RSRC1: variants seen among roughly 807,000 people sequenced by gnomAD.
The protein encoded by RSRC1 is arginine and serine rich coiled-coil 1.
RSRC1 carries 39 observed loss-of-function variants against 49.1 expected under a neutral mutation model. The observed-to-expected ratio is 0.79, with a 90% CI of 0.61 to 1.04. The LOEUF is 1.04. Ranked by LOEUF, RSRC1 falls within the 50% of genes least tolerant of loss-of-function variation. The pLI, the probability that RSRC1 is intolerant of heterozygous loss-of-function variation, is 0.00. For missense variants in RSRC1, 388 were observed against 402.4 expected (o/e 0.96, Z 0.31); for synonymous variants, 143 against 130.8 (o/e 1.09, Z -0.63).
chr3:158,436,474 G>T (rs1387341468), intron 6 of RSRC1, among the ~76,000 whole-genome samples: 1 of 151,874 alleles, frequency 6.6e-6, no homozygotes, highest in African/African-American at 2.4e-5. Context: ...CTGCTTAAAA[G>T]TACATGTGCC....
intron 3 of RSRC1, among the ~76,000 whole-genome samples, chr3:158,165,675 T>TTAGCAA: frequency 6.6e-6 from 1 of 152,338 alleles, no homozygotes; most frequent in African/African-American, 2.4e-5. Flanking sequence ...TCATTAGCAA[T>TTAGCAA]TAGTAAAATA....
chr3:158,131,142 TTATATA>T (rs967113332), intron 3 of RSRC1, among the ~76,000 whole-genome samples: 1 of 151,412 alleles, frequency 6.6e-6, no homozygotes. Context: ...AATTTTTTGT[TTATATA>T]TATATTTTTA....
At chr3:158,288,878 T>C (rs2108098026) in intron 4 of RSRC1, among the ~76,000 whole-genome samples, 1 of 124,864 alleles carries the variant, frequency 8.0e-6, no homozygotes, top group Non-Finnish European at 1.6e-5. Flanking sequence ...GTTGGTTGAC[T>C]TCATTGTTGT....
intron 3 of RSRC1, among the ~76,000 whole-genome samples, chr3:158,173,020 A>G (rs1247480529): frequency 6.6e-6 from 1 of 152,056 alleles, no homozygotes; most frequent in Non-Finnish European, 1.5e-5. Flanking sequence ...TACAGTCGAT[A>G]TGTATCTATC....
intron 4 of RSRC1, among the ~76,000 whole-genome samples, chr3:158,238,937 A>C (rs1294665948): frequency 6.6e-6 from 1 of 152,344 alleles, no homozygotes; most frequent in Middle Eastern, 3.4e-3. Flanking sequence ...GGCAACCTAC[A>C]GAATGGGAGA....
At chr3:158,519,625 A>G (rs1047541561) in intron 7 of RSRC1, among the ~76,000 whole-genome samples, 1 of 152,160 alleles carries the variant, frequency 6.6e-6, no homozygotes, top group Non-Finnish European at 1.5e-5. Context: ...AGCAGGAGCC[A>G]GATTATACCA....
At chr3:158,297,965 A>G (rs1727330220) in intron 4 of RSRC1, 74 bp from the exon 5 acceptor site, 1 of 1,075,076 alleles carries the variant, frequency 9.3e-7, no homozygotes, top group Non-Finnish European at 1.4e-6. Context: ...GGTTTATAAA[A>G]CATTTTTGAG....
At chr3:158,276,364 G>A (rs760726007) in intron 4 of RSRC1, 16 of 777,068 alleles carry the variant, frequency 2.1e-5, no homozygotes, top group Middle Eastern at 3.2e-4. Flanking sequence ...AGAAGAAAGC[G>A]CATGATGACA....
chr3:158,437,000 A>G (rs7633366), intron 6 of RSRC1, among the ~76,000 whole-genome samples: 13,992 of 149,930 alleles, frequency 0.093, 2,194 homozygotes, highest in African/African-American at 0.33. Context: ...TTCTTTAAAT[A>G]TCTCTGCTAT....
At chr3:158,117,363 T>G (rs1714902536) in intron 1 of RSRC1, among the ~76,000 whole-genome samples, 1 of 152,218 alleles carries the variant, frequency 6.6e-6, no homozygotes, top group Non-Finnish European at 1.5e-5. Context: ...GTAGGGTGAT[T>G]GCAGCTCACT....
At chr3:158,165,380 C>T (rs937058232) in intron 3 of RSRC1, among the ~76,000 whole-genome samples, 1 of 152,146 alleles carries the variant, frequency 6.6e-6, no homozygotes, top group African/African-American at 2.4e-5. Flanking sequence ...ATCATTGCAT[C>T]GTTATGTATG....
Position 158,442,366 on chromosome 3 carries a change from A to G in RSRC1, c.584-18569A>G, listed in dbSNP as rs555775216. Among the ~76,000 whole-genome samples, 4 of 152,298 alleles carry G rather than the reference A, an allele frequency of 2.6e-5. No individual in the cohort carries two copies. In the East Asian group the frequency reaches 5.8e-4, roughly 22 times the overall value. ...GCTGCTTTATCAACTAAGTTTTTGTATAATACTCTAAATCATTTGTTGTCA... is the reference window on the plus strand; with the variant it reads ...GCTGCTTTATCAACTAAGTTTTTGTGTAATACTCTAAATCATTTGTTGTCA... On this transcript the variant is annotated intron_variant, in intron 6 of 9. Transcript: ENST00000611884.
intron 5 of RSRC1, among the ~76,000 whole-genome samples, chr3:158,306,753 T>C (rs899876639): frequency 2.0e-5 from 3 of 151,980 alleles, no homozygotes; most frequent in African/African-American, 7.2e-5. Context: ...CAACTCTTTC[T>C]GTAACATTTT....
At chr3:158,411,702 T>C (rs757863749) in intron 6 of RSRC1, among the ~76,000 whole-genome samples, 6 of 151,952 alleles carry the variant, frequency 3.9e-5, no homozygotes, top group African/African-American at 1.4e-4. Flanking sequence ...TTTATATTTC[T>C]CCAGTTACCA....
intron 4 of RSRC1, among the ~76,000 whole-genome samples, chr3:158,238,529 A>G (rs900506804): frequency 1.3e-5 from 2 of 152,210 alleles, no homozygotes; most frequent in Non-Finnish European, 2.9e-5. Context: ...ATATAGACCA[A>G]TGGAGCAGAA....
intron 3 of RSRC1, among the ~76,000 whole-genome samples, chr3:158,163,562 A>G (rs1718364292): frequency 6.6e-6 from 1 of 152,132 alleles, no homozygotes; most frequent in Non-Finnish European, 1.5e-5. Flanking sequence ...ATAACAGTAC[A>G]GCTTGGTACC....
chr3:158,498,232 CT>C (rs56014045), intron 7 of RSRC1, among the ~76,000 whole-genome samples: 12,879 of 142,592 alleles, frequency 0.09, 549 homozygotes, highest in East Asian at 0.12. Context: ...ATGCCAACAT[CT>C]TTTTTTTTTT....
At chr3:158,193,859 G>A (rs933609381) in intron 3 of RSRC1, among the ~76,000 whole-genome samples, 1 of 152,076 alleles carries the variant, frequency 6.6e-6, no homozygotes, top group Non-Finnish European at 1.5e-5. Context: ...GCAAATGGTA[G>A]AAATTTCGTA....
At chr3:158,287,009 G>A (rs1010347477) in intron 4 of RSRC1, among the ~76,000 whole-genome samples, 2 of 152,142 alleles carry the variant, frequency 1.3e-5, no homozygotes, top group African/African-American at 4.8e-5. Context: ...TGTATTTTTA[G>A]TAGAGACAGG....
Sources: gnomAD v4.1 joint callset for allele counts (sites outside exome capture counted in the v4.1 genomes callset) on GRCh38, gnomAD v4.1.1 for gene constraint, MANE v1.5 for transcripts, NCBI Gene and HGNC (gene_info 2026-07-23, HGNC 2026-07-21) for gene names.